The following PCDHA2 variants were observed in gnomAD, a reference collection of about 807,000 sequenced individuals.
PCDHA2 encodes the protein protocadherin alpha-2.
In PCDHA2, 58 loss-of-function variants were observed where a neutral mutation model predicts 66.0. The ratio of observed to expected loss-of-function variants is 0.88; its 90% CI spans 0.71 to 1.09. PCDHA2 has a LOEUF of 1.09. Among genes scored for constraint, PCDHA2 ranks in the 50% least tolerant of loss-of-function variants. The pLI is 0.00. For missense variants in PCDHA2, 1,267 were observed against 1,242.3 expected, an observed-to-expected ratio of 1.02 and a Z score of -0.30; for synonymous variants, 634 against 554.0, an observed-to-expected ratio of 1.14 and a Z score of -2.03.
At chr5:140,844,886 G>A (rs1779598763) in intron 1 of PCDHA2, among the ~76,000 whole-genome samples, 1 of 149,368 alleles carries the variant, frequency 6.7e-6, no homozygotes, top group Admixed American at 6.7e-5. Context: ...TAGACTTCGT[G>A]CATATTGCTT....
chr5:140,805,195 T>G (rs1383426581), intron 1 of PCDHA2: 2 of 1,457,630 alleles, frequency 1.4e-6, no homozygotes, highest in Non-Finnish European at 1.8e-6. Flanking sequence ...AAATATTGAA[T>G]AGCTACCAAA....
Position 140,794,913 on chromosome 5 carries a change from A to C in PCDHA2, c.-52A>C, listed in dbSNP as rs1761892291. The C allele has an allele frequency of 6.5e-7, 1 of 1,538,990 alleles. No individual in the cohort carries two copies. The highest frequency in any genetic ancestry group is 8.7e-7 in the Non-Finnish European group (1 of 1,143,042). On this transcript the variant is annotated 5_prime_UTR_variant, in exon 1 of 4. Coordinates refer to ENST00000526136, the MANE Select transcript of PCDHA2 (RefSeq NM_018905.3). ...ACTTTAACAGAGACTAGAATATTTA[A>C]ATTTTTGCAAAACATGCTCTTCTAA...
intron 1 of PCDHA2, among the ~76,000 whole-genome samples, chr5:140,873,915 C>A (rs543062290): frequency 6.6e-6 from 1 of 152,284 alleles, no homozygotes; most frequent in Non-Finnish European, 1.5e-5. Flanking sequence ...CCTGCCTCAG[C>A]CTCCCAAAGT....
rs1554119641 is a variant in PCDHA2 at position 140,795,989 on chromosome 5, A to T, written c.1025A>T (p.Asp342Val). The T allele has an allele frequency of 1.9e-6, 3 of 1,614,148 alleles. No homozygotes were observed. In the Admixed American group the frequency reaches 5.0e-5, roughly 27 times the overall value. Residue 342 changes from aspartate to valine, a missense_variant, in exon 1 of 4, where the codon GAC (aspartate) becomes GTC (valine). Transcript: ENST00000526136. ...TGTAAAATTTCATTAAAACTTGTGG[A>T]CATCAATGATAACACACCAGAAGTC... ...GHCKISLKLVDINDNTPEVSI... is the reference protein window; with the variant it reads ...GHCKISLKLVVINDNTPEVSI...
chr5:140,841,707 AC>A (rs2150321294), intron 1 of PCDHA2: 1 of 1,613,698 alleles, frequency 6.2e-7, no homozygotes. Flanking sequence ...GTTAATGACA[AC>A]CCGCCAGTGT....
intron 1 of PCDHA2, chr5:140,861,392 G>A (rs2046897620): frequency 2.2e-6 from 1 of 451,822 alleles, no homozygotes; most frequent in Non-Finnish European, 4.5e-6. Context: ...ACCTGGGTCT[G>A]GAGCTTGTGG....
intron 1 of PCDHA2, chr5:140,803,828 A>G: frequency 1.6e-6 from 1 of 637,158 alleles, no homozygotes; most frequent in Non-Finnish European, 2.6e-6. Context: ...TAGGTGCAGT[A>G]GTAGAATTAT....
intron 1 of PCDHA2, among the ~76,000 whole-genome samples, chr5:140,874,822 T>C (rs2055124014): frequency 6.6e-6 from 1 of 152,252 alleles, no homozygotes; most frequent in East Asian, 1.9e-4. Context: ...TTTATATAAA[T>C]GAAATATTGT....
chr5:140,943,257 C>CAAAAAAAA (rs1238620023), intron 1 of PCDHA2, among the ~76,000 whole-genome samples: 2 of 77,482 alleles, frequency 2.6e-5, no homozygotes, highest in Admixed American at 1.5e-4. Flanking sequence ...GACTCTGTCT[C>CAAAAAAAA]AAAAAAAAAA....
chr5:140,945,048 A>G (rs2093731802), intron 1 of PCDHA2, among the ~76,000 whole-genome samples: 1 of 152,182 alleles, frequency 6.6e-6, no homozygotes, highest in South Asian at 2.1e-4. Context: ...GGTCTTATAT[A>G]AAGAAAACCC....
At chr5:140,995,132 A>G (rs2097665905) in intron 3 of PCDHA2, among the ~76,000 whole-genome samples, 1 of 152,222 alleles carries the variant, frequency 6.6e-6, no homozygotes, top group African/African-American at 2.4e-5. Flanking sequence ...CTGAAACCTC[A>G]TTTAGTACTG....
chr5:140,869,633 A>G (rs376162708), intron 1 of PCDHA2: 3 of 1,613,612 alleles, frequency 1.9e-6, no homozygotes, highest in Non-Finnish European at 2.5e-6. Context: ...AAAAATGAGT[A>G]TTTTTCTTTA....
chr5:140,850,941 T>A lies in PCDHA2; in HGVS notation c.2388+53589T>A. The A allele has an allele frequency of 2.0e-6, 3 of 1,505,592 alleles. 1 individual carries two copies. 93.3% of individuals were successfully genotyped at this position (1,505,592 alleles called of 1,614,324 possible). On this transcript the variant is annotated intron_variant, in intron 1 of 3. Coordinates refer to ENST00000526136, the MANE Select transcript of PCDHA2 (RefSeq NM_018905.3). ...TTATATAATTTTTTTTCTTGAAAGATATTATCGATTACTCCCAGGGGCCGT... is the reference window on the plus strand; with the variant it reads ...TTATATAATTTTTTTTCTTGAAAGAAATTATCGATTACTCCCAGGGGCCGT...
At chr5:140,821,759 A>T in intron 1 of PCDHA2, 1 of 1,588,004 alleles carries the variant, frequency 6.3e-7, no homozygotes, top group South Asian at 1.1e-5. Flanking sequence ...AAAGCTCATA[A>T]TTGGAACGAG....
chr5:140,917,435 T>A (rs1179418321), intron 1 of PCDHA2, among the ~76,000 whole-genome samples: 2 of 152,200 alleles, frequency 1.3e-5, no homozygotes, highest in South Asian at 2.1e-4. Flanking sequence ...CAATTTTTGT[T>A]TTTGCTGCAA....
chr5:140,852,204 A>G lies in PCDHA2; in HGVS notation c.2388+54852A>G, dbSNP rs2150513408. On this transcript the variant is annotated intron_variant, in intron 1 of 3. Transcript: ENST00000526136. The stretch of plus-strand genomic sequence containing the variant: ...ATGAAAATGCCAGTAACGTTTATTT[A>G]AAACAAAATATTTTAATTTTTAAAT... The G allele has an allele frequency of 7.5e-6, 5 of 666,504 alleles. No homozygotes were observed. The African/African-American group carries it at 9.8e-5, about 13-fold the overall frequency. 41.3% of individuals were successfully genotyped at this position (666,504 alleles called of 1,614,324 possible).
In PCDHA2 at chr5:141,010,847, A is replaced by C. The variant is rs2098418553; in HGVS notation, c.*910A>C. 6.5e-6 allele frequency: 1 copy of C among 153,782 alleles called. No homozygotes were observed. Among genetic ancestry groups the C allele is most frequent in the Non-Finnish European group, 1.5e-5 (1 of 68,062 alleles). The allele number at this position is 153,782 out of a possible 1,614,324, so 9.5% of individuals were successfully genotyped here. A position where few individuals can be genotyped will look rare whatever the true frequency, so the allele number is the denominator to read the frequency against. ...TTGTTGTTTCATAGATTTATTTAAA[A>C]AAAGAGAAAGTCTATAGCTATAAAT... On this transcript the variant is annotated 3_prime_UTR_variant, in exon 4 of 4. Transcript: ENST00000526136.
rs2153463747 is a variant in PCDHA2 at position 140,899,363 on chromosome 5, C to G, written c.2389-79586C>G. On this transcript the variant is annotated intron_variant, in intron 1 of 3. Coordinates refer to ENST00000526136, the MANE Select transcript of PCDHA2 (RefSeq NM_018905.3). ...AGCTCTTATTATTTTGAGATATGTC[C>G]CATCAATACCTAATTTATTGAGAGT... Among the ~76,000 whole-genome samples, 3 of 152,122 alleles carry G rather than the reference C, an allele frequency of 2.0e-5. No individual in the cohort carries two copies. The South Asian group carries it at 6.2e-4, about 32-fold the overall frequency.
At chr5:140,826,840 A>T (rs1244045746) in intron 1 of PCDHA2, among the ~76,000 whole-genome samples, 1 of 152,186 alleles carries the variant, frequency 6.6e-6, no homozygotes, top group Non-Finnish European at 1.5e-5. Flanking sequence ...AAGTTTCTCA[A>T]GTGTCTTGCA....
Sources: gnomAD v4.1 joint callset for allele counts (sites outside exome capture counted in the v4.1 genomes callset) on GRCh38, gnomAD v4.1.1 for gene constraint, MANE v1.5 for transcripts, NCBI Gene and HGNC (gene_info 2026-07-23, HGNC 2026-07-21) for gene names.